The following COL28A1 variants were observed in gnomAD, a reference collection of about 807,000 sequenced individuals.
COL28A1 encodes collagen alpha-1(XXVIII) chain.
Under a neutral mutation model 150.2 loss-of-function variants are expected in COL28A1, and 161 were observed. That is an observed-to-expected ratio of 1.07 (90% CI 0.94 to 1.22). COL28A1 has a LOEUF of 1.22. Ranked by LOEUF, COL28A1 falls within the 50% of genes most tolerant of loss-of-function variation. The pLI is 0.00. For missense variants in COL28A1, 1,617 were observed against 1,388.3 expected (o/e 1.16, Z -2.62); for synonymous variants, 552 against 469.7 (o/e 1.18, Z -2.26).
chr7:7,427,699 T>A (rs1444006278), intron 25 of COL28A1, among the ~76,000 whole-genome samples: 3 of 152,238 alleles, frequency 2.0e-5, no homozygotes, highest in Middle Eastern at 3.2e-3. Context: ...ATAAAGCATG[T>A]ATTTACAATA....
At chr7:7,428,611 C>T (rs1784771214) in intron 25 of COL28A1, among the ~76,000 whole-genome samples, 1 of 149,924 alleles carries the variant, frequency 6.7e-6, no homozygotes, top group Non-Finnish European at 1.5e-5. Context: ...ATATCTAAGG[C>T]TCCAGAGAAG....
intron 27 of COL28A1, among the ~76,000 whole-genome samples, chr7:7,414,109 G>A (rs540618009): frequency 5.9e-5 from 9 of 152,250 alleles, no homozygotes; most frequent in East Asian, 3.9e-4. Context: ...ATCTGTCTCC[G>A]TGCTTTTTAA....
intron 27 of COL28A1, chr7:7,417,547 G>GA (rs1376094923): frequency 2.2e-4 from 24 of 110,650 alleles, no homozygotes; most frequent in Non-Finnish European, 3.1e-4. Context: ...GGAGGGGGGG[G>GA]GGAGAGAGAG....
intron 32 of COL28A1, among the ~76,000 whole-genome samples, chr7:7,371,129 C>T (rs185557869): frequency 2.6e-5 from 4 of 152,290 alleles, no homozygotes; most frequent in East Asian, 3.9e-4. Context: ...CTCTGTTCAA[C>T]GTGAATCACT....
At chr7:7,461,252 C>G (rs1361047537) in intron 15 of COL28A1, among the ~76,000 whole-genome samples, 1 of 152,170 alleles carries the variant, frequency 6.6e-6, no homozygotes, top group African/African-American at 2.4e-5. Context: ...AGTGGGTTCC[C>G]TAGCAAGCCA....
In COL28A1 at chr7:7,532,881, TA is replaced by T; in HGVS notation, c.-7del. On this transcript the variant is annotated 5_prime_UTR_variant, in exon 2 of 35. Coordinates refer to ENST00000399429, the MANE Select transcript of COL28A1 (RefSeq NM_001037763.3). ...ACAAAATATCTGTTCCACATTATGG[TA>T]GATGGTGAAAAATCATCTGTCTTGT... 6.3e-7 allele frequency: 1 copy of T among 1,593,460 alleles called. No individual in the cohort carries two copies. Among genetic ancestry groups the T allele is most frequent in the Non-Finnish European group, 8.5e-7 (1 of 1,174,032 alleles).
At chr7:7,532,593 G>A (rs1324968035) in intron 2 of COL28A1, among the ~76,000 whole-genome samples, 159 bp downstream of exon 2, 1 of 152,008 alleles carries the variant, frequency 6.6e-6, no homozygotes, top group Non-Finnish European at 1.5e-5. Context: ...TGTGCTATAA[G>A]TATGTAAGGT....
At chr7:7,403,799 A>G (rs1783350772) in intron 27 of COL28A1, among the ~76,000 whole-genome samples, 1 of 152,180 alleles carries the variant, frequency 6.6e-6, no homozygotes, top group South Asian at 2.1e-4. Flanking sequence ...GTATGGTTCA[A>G]TAGCTTATAA....
upstream of COL28A1, chr7:7,535,898 T>C (rs770371445): frequency 1.3e-5 from 2 of 152,206 alleles, no homozygotes; most frequent in Non-Finnish European, 2.9e-5. Context: ...TGCAGTCTTT[T>C]GTTCATGTTT....
chr7:7,397,482 G>A (rs1384060987), intron 27 of COL28A1, among the ~76,000 whole-genome samples: 1 of 152,012 alleles, frequency 6.6e-6, no homozygotes. Flanking sequence ...TTACCACGGT[G>A]GCTTTTGCTC....
intron 5 of COL28A1, among the ~76,000 whole-genome samples, 177 bp downstream of exon 5, chr7:7,521,728 C>A (rs1214033071): frequency 6.6e-6 from 1 of 152,184 alleles, no homozygotes; most frequent in Non-Finnish European, 1.5e-5. Context: ...AGGCTTATTT[C>A]TAAGGATAGA....
chr7:7,373,727 G>C lies in COL28A1; in HGVS notation c.2360-181C>G, dbSNP rs1781366018. 6.7e-6 allele frequency among the ~76,000 whole-genome samples: 1 copy of C among 149,582 alleles called. No individual in the cohort carries two copies. The highest frequency in any genetic ancestry group is 2.5e-5 in the African/African-American group (1 of 40,704). The stretch of plus-strand genomic sequence containing the variant: ...TTTCTTTTTTTTTTTGTGAGACAGA[G>C]TCTCGCTGTCGCCCAGGTTGGAGTG... On this transcript the variant is annotated intron_variant, in intron 31 of 34. Coordinates refer to ENST00000399429, the MANE Select transcript of COL28A1 (RefSeq NM_001037763.3). The surrounding 1 kb of genome is among the most constrained non-coding windows in gnomAD (Gnocchi z 4.1).
At chr7:7,449,065 T>C (rs1786486106) in intron 18 of COL28A1, among the ~76,000 whole-genome samples, 1 of 152,100 alleles carries the variant, frequency 6.6e-6, no homozygotes, top group Non-Finnish European at 1.5e-5. Context: ...TCCAAGGGTA[T>C]ACACATATCT....
intron 22 of COL28A1, among the ~76,000 whole-genome samples, chr7:7,437,191 T>C (rs564914509): frequency 1.2e-3 from 185 of 152,308 alleles, no homozygotes; most frequent in African/African-American, 4.2e-3. Flanking sequence ...AGTGACAAGC[T>C]TGGGACCAAG....
At chr7:7,389,782 G>C (rs566590960) in intron 27 of COL28A1, among the ~76,000 whole-genome samples, 40 of 152,294 alleles carry the variant, frequency 2.6e-4, no homozygotes, top group African/African-American at 9.1e-4. Context: ...GTTCACTCAT[G>C]ATTTGGCTCT....
the COL28A1 span, among the ~76,000 whole-genome samples, chr7:7,347,457 C>T: frequency 6.6e-6 from 1 of 152,096 alleles, no homozygotes; most frequent in South Asian, 2.1e-4. Flanking sequence ...AAGGGGAATA[C>T]TGCAGTGTCC....
the COL28A1 span, among the ~76,000 whole-genome samples, chr7:7,345,257 G>T: frequency 6.6e-6 from 1 of 151,716 alleles, no homozygotes; most frequent in African/African-American, 2.4e-5. Flanking sequence ...AAAAATAAAA[G>T]TTTCTCATGA....
rs142052462 is a variant in COL28A1 at position 7,526,337 on chromosome 7, T to C, written c.682-2088A>G. On this transcript the variant is annotated intron_variant, in intron 3 of 34. Coordinates refer to ENST00000399429, the MANE Select transcript of COL28A1 (RefSeq NM_001037763.3). Reference sequence around the variant, plus strand: ...AATACTACTCGGCAGTTAAAGTGAATGCATTGGATCTACACATTTCAACAA... The same window carrying C: ...AATACTACTCGGCAGTTAAAGTGAACGCATTGGATCTACACATTTCAACAA... Among the ~76,000 whole-genome samples, 629 of 139,720 alleles carry C rather than the reference T, an allele frequency of 4.5e-3. 4 individuals are homozygous for C. The highest frequency in any genetic ancestry group is 0.015 in the South Asian group (63 of 4,312). The allele number at this position is 139,720 out of a possible 152,430, so 91.7% of individuals were successfully genotyped here.
chr7:7,505,643 T>C (rs1356190143), intron 11 of COL28A1, among the ~76,000 whole-genome samples: 1 of 151,554 alleles, frequency 6.6e-6, no homozygotes, highest in Non-Finnish European at 1.5e-5. Flanking sequence ...ATAAAGTGTA[T>C]ATTGAGGTGG....
Sources: allele counts gnomAD v4.1 joint callset (sites outside exome capture counted in the v4.1 genomes callset), GRCh38; gene constraint gnomAD v4.1.1; non-coding constraint Gnocchi (gnomAD v3.1); transcripts MANE v1.5; gene names NCBI Gene and HGNC (gene_info 2026-07-23, HGNC 2026-07-21).